Variants in PDE10A observed in about 807,000 individuals in gnomAD.
PDE10A encodes the protein cAMP and cAMP-inhibited cGMP 3',5'-cyclic phosphodiesterase 10A.
Under a neutral mutation model 97.7 loss-of-function variants are expected in PDE10A, and 39 were observed. The ratio of observed to expected loss-of-function variants is 0.40; its 90% CI spans 0.31 to 0.52. The LOEUF (loss-of-function observed/expected upper bound fraction) is 0.52, where lower values mean the gene tolerates loss of function less well. Ranked by LOEUF, PDE10A falls within the 20% of genes least tolerant of loss-of-function variation. PDE10A has a pLI of 0.56. For missense variants in PDE10A, 731 were observed against 1,047.8 expected, an observed-to-expected ratio of 0.70 and a Z score of 4.17; for synonymous variants, 371 against 376.8, an observed-to-expected ratio of 0.98 and a Z score of 0.18.
rs1562717084 is a variant in PDE10A, at chr6:165,749,187, C to CAA, written c.-614-205620_-614-205619insTT. 8.7e-4 allele frequency among the ~76,000 whole-genome samples: 17 copies of CAA among 19,614 alleles called. 5 individuals are homozygous for CAA. The highest frequency in any genetic ancestry group is 4.4e-3 in the South Asian group (2 of 456). 12.9% of individuals were successfully genotyped at this position (19,614 alleles called of 152,430 possible). A position where few individuals can be genotyped will look rare whatever the true frequency, so the allele number is the denominator to read the frequency against. On this transcript the variant is annotated intron_variant, in intron 1 of 19. Coordinates refer to the PDE10A transcript ENST00000366882. ...ATCATCACCACCATTAACACTATCA[C>CAA]TGTCATCACCATCACCATCATCACC...
In PDE10A at chr6:165,614,190, G is replaced by A. The variant is rs556459342; in HGVS notation, c.865+47757C>T. 9.9e-4 allele frequency among the ~76,000 whole-genome samples: 150 copies of A among 152,264 alleles called. 1 individual carries two copies. The highest frequency in any genetic ancestry group is 1.8e-3 in the Non-Finnish European group (121 of 68,022). The stretch of plus-strand genomic sequence containing the variant: ...ACTATTCCCTGCCTTCTTCAGTTTT[G>A]TTCCTCAAAACCACTATTTCTAACG... On this transcript the variant is annotated intron_variant, in intron 1 of 21. Transcript: ENST00000539869.
chr6:165,353,757 G>A (rs1782850023), intron 18 of PDE10A, among the ~76,000 whole-genome samples: 1 of 152,136 alleles, frequency 6.6e-6, no homozygotes, highest in African/African-American at 2.4e-5. Context: ...CTGAGCACAA[G>A]GGATTTTTAG....
chr6:165,582,339 A>G (rs1286224903), intron 1 of PDE10A, among the ~76,000 whole-genome samples: 4 of 152,200 alleles, frequency 2.6e-5, no homozygotes, highest in Non-Finnish European at 5.9e-5. Flanking sequence ...CCAATGGAAA[A>G]ATAAAAACTG....
intron 20 of PDE10A, among the ~76,000 whole-genome samples, chr6:165,338,636 T>C (rs1781786033): frequency 6.6e-6 from 1 of 152,228 alleles, no homozygotes; most frequent in Non-Finnish European, 1.5e-5. Context: ...AAATCTATAA[T>C]GTAACTCTCC....
chr6:165,871,478 G>C (rs1185619494), intron 1 of PDE10A, among the ~76,000 whole-genome samples: 1 of 152,192 alleles, frequency 6.6e-6, no homozygotes, highest in African/African-American at 2.4e-5. Context: ...GGATTGCATG[G>C]AGGGGAACTC....
At chr6:165,504,350 G>A (rs1399993379) in intron 2 of PDE10A, among the ~76,000 whole-genome samples, 2 of 152,102 alleles carry the variant, frequency 1.3e-5, no homozygotes, top group African/African-American at 2.4e-5. Flanking sequence ...AAATTAAACC[G>A]TGATAGCATT....
rs942779764 is a variant in PDE10A, at chr6:165,662,117, C to A, written c.695G>T (p.Gly232Val). ...GCCGCCTGGGCCGGCGCCGGGGAAG[C>A]CGGGGGAGCCCGCGCGGCGGGCGGC... Reference protein sequence around the residue: ...GQAARRAGSPGFPGAGPGGGG... With the variant: ...GQAARRAGSPVFPGAGPGGGG... The change falls in exon 1 of 22, where the codon GGC (glycine) becomes GTC (valine). Residue 232 changes from glycine to valine, a missense_variant. Physicochemically the swap from Gly to Val is moderately radical, Grantham distance 109. Around this residue, in one of 8 missense-constraint regions of PDE10A, gnomAD observed 181 missense variants for 159.1 expected, o/e 1.14. Coordinates refer to ENST00000539869, the MANE Select transcript of PDE10A (RefSeq NM_001385079.1). 2.0e-6 allele frequency: 2 copies of A among 980,684 alleles called. No individual in the cohort carries two copies. The highest frequency in any genetic ancestry group is 9.1e-5 in the East Asian group (1 of 10,992). 60.7% of individuals were successfully genotyped at this position (980,684 alleles called of 1,614,324 possible). A position where few individuals can be genotyped will look rare whatever the true frequency, so the allele number is the denominator to read the frequency against.
intron 2 of PDE10A, among the ~76,000 whole-genome samples, chr6:165,483,316 T>A (rs1450710344): frequency 6.6e-6 from 1 of 152,240 alleles, no homozygotes; most frequent in Non-Finnish European, 1.5e-5. Context: ...ACAGCAGGTA[T>A]TCAAATCAAC....
intron 1 of PDE10A, among the ~76,000 whole-genome samples, chr6:165,556,192 G>A (rs1032099660): frequency 1.3e-5 from 2 of 152,120 alleles, no homozygotes; most frequent in East Asian, 3.8e-4. Flanking sequence ...GGCTGGGGGG[G>A]TCAGTACCTC....
intron 1 of PDE10A, among the ~76,000 whole-genome samples, chr6:165,720,057 C>T (rs1002368091): frequency 3.3e-5 from 5 of 152,000 alleles, no homozygotes; most frequent in African/African-American, 1.2e-4. Context: ...CAATAGACAA[C>T]GTCTAAAGAA....
chr6:165,573,914 C>A (rs998148601), intron 1 of PDE10A, among the ~76,000 whole-genome samples: 2 of 152,208 alleles, frequency 1.3e-5, no homozygotes, highest in Non-Finnish European at 2.9e-5. Flanking sequence ...CCAGTAGGGA[C>A]CCCTGGCTTA....
intron 17 of PDE10A, among the ~76,000 whole-genome samples, chr6:165,383,010 C>T (rs746070568): frequency 9.2e-5 from 14 of 151,874 alleles, no homozygotes; most frequent in Non-Finnish European, 1.6e-4. Flanking sequence ...CTAGTGCAGA[C>T]GAATTGGAAG....
At chr6:165,841,581 G>A (rs1405351521) in intron 1 of PDE10A, among the ~76,000 whole-genome samples, 1 of 152,246 alleles carries the variant, frequency 6.6e-6, no homozygotes. Context: ...TTGATGTGGA[G>A]GCTGTGTCTC....
chr6:165,353,726 G>A (rs117309346), intron 18 of PDE10A, among the ~76,000 whole-genome samples: 2 of 152,122 alleles, frequency 1.3e-5, no homozygotes, highest in African/African-American at 2.4e-5. Context: ...CAGGAGTTGC[G>A]GAGAGTGAGG....
At chr6:165,979,024 C>G (rs1346792379) in intron 1 of PDE10A, among the ~76,000 whole-genome samples, 1 of 152,122 alleles carries the variant, frequency 6.6e-6, no homozygotes, top group Non-Finnish European at 1.5e-5. Context: ...AGATGGATCT[C>G]CCACCCAAAA....
chr6:165,748,383 C>A (rs1210590668), intron 1 of PDE10A, among the ~76,000 whole-genome samples: 3 of 152,156 alleles, frequency 2.0e-5, no homozygotes, highest in African/African-American at 7.2e-5. Context: ...GAGTTTCAGT[C>A]TGGGTACTGT....
intron 1 of PDE10A, among the ~76,000 whole-genome samples, chr6:165,783,838 G>A (rs1386961777): frequency 6.6e-6 from 1 of 152,208 alleles, no homozygotes; most frequent in African/African-American, 2.4e-5. Flanking sequence ...CGTTCCTAGT[G>A]CAAGGTAGCT....
intron 1 of PDE10A, among the ~76,000 whole-genome samples, chr6:165,670,182 T>G (rs1001492315): frequency 6.6e-6 from 1 of 152,184 alleles, no homozygotes; most frequent in African/African-American, 2.4e-5. Context: ...CCATGTCGAT[T>G]TTGTGTATCC....
chr6:165,813,489 T>C (rs564007994), intron 1 of PDE10A, among the ~76,000 whole-genome samples: 1 of 152,244 alleles, frequency 6.6e-6, no homozygotes. Context: ...AGAAAAACAT[T>C]GACGATCCTA....
Sources: allele counts gnomAD v4.1 joint callset (sites outside exome capture counted in the v4.1 genomes callset), GRCh38; gene constraint gnomAD v4.1.1; regional missense constraint gnomAD v4.1.1; transcripts MANE v1.5; gene names NCBI Gene and HGNC (gene_info 2026-07-23, HGNC 2026-07-21).